Variants in ATAD2 observed in about 807,000 individuals in gnomAD.
ATAD2 encodes the protein ATPase family AAA domain-containing protein 2.
In ATAD2, 62 loss-of-function variants were observed where a neutral mutation model predicts 168.9. That is an observed-to-expected ratio of 0.37 (90% CI 0.30 to 0.45). The LOEUF (loss-of-function observed/expected upper bound fraction) is 0.45. ATAD2 is among the 20% of genes least tolerant of loss of function. The probability of loss-of-function intolerance (pLI) is 1.00; values close to 1 mark genes in which losing one functional copy is unlikely to be tolerated. For synonymous variants in ATAD2, 613 were observed against 571.6 expected (o/e 1.07, Z -1.03); for missense variants, 1,419 against 1,667.8 (o/e 0.85, Z 2.60).
intron 8 of ATAD2, among the ~76,000 whole-genome samples, chr8:123,366,338 T>A (rs1264740696): frequency 6.6e-6 from 1 of 152,206 alleles, no homozygotes; most frequent in Admixed American, 6.5e-5. Context: ...ACAACCACTA[T>A]ACAAAACAGT....
At chr8:123,340,694 T>C (rs1326363013) in intron 19 of ATAD2, among the ~76,000 whole-genome samples, 2 of 152,126 alleles carry the variant, frequency 1.3e-5, no homozygotes, top group East Asian at 3.8e-4. Flanking sequence ...TTACACTAAA[T>C]AAGACACAAA....
chr8:123,343,584 A>T (rs1450225143), intron 19 of ATAD2, among the ~76,000 whole-genome samples: 2 of 152,220 alleles, frequency 1.3e-5, no homozygotes, highest in Non-Finnish European at 2.9e-5. Context: ...AAAAAGTGTA[A>T]ACCAATTGTC....
At chr8:123,385,967 C>T (rs141576897) in intron 1 of ATAD2, among the ~76,000 whole-genome samples, 81 of 148,632 alleles carry the variant, frequency 5.4e-4, no homozygotes, top group African/African-American at 1.8e-3. Context: ...ATTAGAGAAA[C>T]GCAAATCAAA....
intron 18 of ATAD2, 131 bp downstream of exon 18, chr8:123,345,955 C>T (rs1259862551): frequency 1.1e-5 from 7 of 643,716 alleles, no homozygotes; most frequent in Non-Finnish European, 1.5e-5. Context: ...AGCAATCATG[C>T]ATAACTCTGT....
intron 18 of ATAD2, 101 bp from the exon 19 acceptor site, chr8:123,345,170 T>C (rs1828198138): frequency 1.9e-6 from 2 of 1,055,708 alleles, no homozygotes; most frequent in South Asian, 2.5e-5. Flanking sequence ...GAGTAACATA[T>C]AAAGTCCTCA....
chr8:123,355,572 A>G (rs549207844), intron 13 of ATAD2, among the ~76,000 whole-genome samples: 1 of 152,312 alleles, frequency 6.6e-6, no homozygotes, highest in South Asian at 2.1e-4. Flanking sequence ...AGAATCCTAA[A>G]CTAGTAGTAA....
At chr8:123,380,137 C>T (rs879593052) in intron 2 of ATAD2, among the ~76,000 whole-genome samples, 123 of 151,840 alleles carry the variant, frequency 8.1e-4, no homozygotes, top group Non-Finnish European at 1.3e-3. Flanking sequence ...CTGCAAGCTC[C>T]GCCTCCTGGG....
At chr8:123,364,423 T>C (rs1459735379) in intron 8 of ATAD2, among the ~76,000 whole-genome samples, 3 of 152,186 alleles carry the variant, frequency 2.0e-5, no homozygotes, top group Non-Finnish European at 4.4e-5. Flanking sequence ...CAAATCATTC[T>C]ATGAAGTCAG....
chr8:123,356,337 T>C (rs372398781), intron 13 of ATAD2, 52 bp downstream of exon 13: 4 of 1,448,174 alleles, frequency 2.8e-6, no homozygotes, highest in African/African-American at 1.4e-5. Context: ...CACACATCAA[T>C]ACCACTCAGG....
chr8:123,390,230 C>T (rs1400925982), intron 1 of ATAD2, among the ~76,000 whole-genome samples: 1 of 151,804 alleles, frequency 6.6e-6, no homozygotes, highest in African/African-American at 2.4e-5. Context: ...ATGCCTGCCT[C>T]GGCCTCCCAA....
In ATAD2 at chr8:123,353,567, A is replaced by T. The variant is rs548460826; in HGVS notation, c.1646+2822T>A. Among the ~76,000 whole-genome samples the T allele has an allele frequency of 1.2e-4, 18 of 147,052 alleles. No homozygotes were observed. In the East Asian group the frequency reaches 3.1e-3, roughly 26 times the overall value. On this transcript the variant is annotated intron_variant, in intron 13 of 27. Transcript: ENST00000287394. ...ATGTCATTCTGGTACGATTCCAGTA[A>T]TTTTTTTTTTTTATTGCTTTCAGGC...
intron 1 of ATAD2, among the ~76,000 whole-genome samples, chr8:123,381,788 C>G (rs554939009): frequency 5.9e-5 from 9 of 152,302 alleles, no homozygotes; most frequent in African/African-American, 2.2e-4. Flanking sequence ...TGCCTGTAAT[C>G]CCAGCACTTT....
rs1231862924 is a variant in ATAD2, at chr8:123,402,710, C to T, written c.-2281-1535G>A. Among the ~76,000 whole-genome samples, 1 of 152,192 alleles carries T rather than the reference C, an allele frequency of 6.6e-6. No homozygotes were observed. Among genetic ancestry groups the T allele is most frequent in the Non-Finnish European group, 1.5e-5 (1 of 68,040 alleles). On this transcript the variant is annotated intron_variant, in intron 1 of 28. Coordinates refer to the ATAD2 transcript ENST00000521903. This position sits in a 1 kb window ranked among gnomAD's most constrained non-coding sequence, Gnocchi z 4.8. ...ACCGTCCCCAGGTGTACCATTCCTG[C>T]CCTCTCCTCAGCTGTAGTTGAAGGC... is the stretch of plus-strand genomic sequence containing the variant.
At chr8:123,411,681 C>T (rs1813162130) in intron 1 of ATAD2, among the ~76,000 whole-genome samples, 1 of 152,172 alleles carries the variant, frequency 6.6e-6, no homozygotes, top group Non-Finnish European at 1.5e-5. Flanking sequence ...TTTGAGCTGG[C>T]AACGGCAACC....
chr8:123,337,771 A>G lies in ATAD2; in HGVS notation c.2905T>C (p.Ser969Pro), dbSNP rs1355121627. The part of the protein sequence containing the change: ...LPVAPPPEPR[S>P]LTAEEVKRLE... ...CGTTTCACTTCTTCTGCTGTCAGTGATCTTGGCTCAGGTGGTGGTGCTACT... is the reference window on the plus strand; with the variant it reads ...CGTTTCACTTCTTCTGCTGTCAGTGGTCTTGGCTCAGGTGGTGGTGCTACT... The change falls in exon 21 of 28, where the codon TCA becomes CCA. Residue 969 changes from serine to proline, a missense_variant. This residue lies in a region of ATAD2 where 545 missense variants were observed against 724.9 expected (regional missense o/e 0.75). Transcript: ENST00000287394. The G allele has an allele frequency of 1.9e-6, 3 of 1,612,880 alleles. No homozygotes were observed. Among genetic ancestry groups the G allele is most frequent in the Non-Finnish European group, 2.5e-6 (3 of 1,179,480 alleles).
rs148244463 is a variant in ATAD2 at position 123,369,936 on chromosome 8, A to T, written c.816T>A (p.Asp272Glu). ...DEDDDDDDDD[D>E]DDDDDEDDED... is the part of the protein sequence containing the mutation. ...CATCATCTTCATCATCATCATCATCATCATCATCGTCATCATCATCATCAT... is the reference window on the plus strand; with the variant it reads ...CATCATCTTCATCATCATCATCATCTTCATCATCGTCATCATCATCATCAT... The change falls in exon 7 of 28, where the codon GAT becomes GAA. Residue 272 changes from aspartate (D) to glutamate (E), a missense_variant. This residue lies in a region of ATAD2 where 419 missense variants were observed against 423.5 expected (regional missense o/e 0.99). Transcript: ENST00000287394. 6 of 1,576,198 alleles carry T rather than the reference A, an allele frequency of 3.8e-6. No homozygotes were observed. Among genetic ancestry groups the T allele is most frequent in the South Asian group, 1.1e-5 (1 of 90,160 alleles).
intron 22 of ATAD2, among the ~76,000 whole-genome samples, chr8:123,336,020 A>G (rs1302576289): frequency 1.3e-5 from 2 of 152,180 alleles, no homozygotes; most frequent in African/African-American, 2.4e-5. Flanking sequence ...TTTAAAAACT[A>G]TTTCATTACA....
chr8:123,323,392 G>C (rs1477320617), intron 26 of ATAD2, among the ~76,000 whole-genome samples: 1 of 152,172 alleles, frequency 6.6e-6, no homozygotes, highest in Admixed American at 6.5e-5. Flanking sequence ...TTTTTTTGCA[G>C]GGGATTTTAT....
intron 8 of ATAD2, among the ~76,000 whole-genome samples, chr8:123,363,667 C>T (rs548185940): frequency 8.5e-5 from 13 of 152,236 alleles, no homozygotes; most frequent in African/African-American, 3.1e-4. Context: ...TTAATGTATT[C>T]ACATAATTTT....
Sources: gnomAD v4.1 joint callset for allele counts (sites outside exome capture counted in the v4.1 genomes callset) on GRCh38, gnomAD v4.1.1 for gene constraint, gnomAD v4.1.1 regional missense constraint, Gnocchi (gnomAD v3.1) non-coding constraint, MANE v1.5 for transcripts, NCBI Gene and HGNC (gene_info 2026-07-23, HGNC 2026-07-21) for gene names.